DLG1: variants seen among roughly 807,000 people sequenced by gnomAD.
The protein encoded by DLG1 is disks large homolog 1.
Under a neutral mutation model 123.4 loss-of-function variants are expected in DLG1, and 42 were observed. The ratio of observed to expected loss-of-function variants is 0.34; its 90% CI spans 0.27 to 0.44. The LOEUF is 0.44. Ranked by LOEUF, DLG1 falls within the 20% of genes least tolerant of loss-of-function variation. The pLI is 1.00. For synonymous variants in DLG1, 317 were observed against 356.2 expected, an observed-to-expected ratio of 0.89 and a Z score of 1.24; for missense variants, 942 against 1,082.6, an observed-to-expected ratio of 0.87 and a Z score of 1.82.
chr3:197,265,723 C>T (rs1471868757), intron 4 of DLG1, among the ~76,000 whole-genome samples: 2 of 152,138 alleles, frequency 1.3e-5, no homozygotes. Context: ...TGGGGATAGC[C>T]TTCTACAACC....
At chr3:197,196,581 A>T (rs1722631451) in intron 4 of DLG1, among the ~76,000 whole-genome samples, 3 of 152,224 alleles carry the variant, frequency 2.0e-5, no homozygotes, top group Admixed American at 2.0e-4. Context: ...ATACTTTAGA[A>T]GAGATACATG....
chr3:197,122,683 G>T (rs1185046603), intron 11 of DLG1, among the ~76,000 whole-genome samples: 1 of 151,984 alleles, frequency 6.6e-6, no homozygotes, highest in Admixed American at 6.6e-5. Flanking sequence ...ATTTATAATA[G>T]CATGAAAAAC....
chr3:197,054,362 A>AATGT (rs1730151410), intron 23 of DLG1, among the ~76,000 whole-genome samples: 1 of 152,040 alleles, frequency 6.6e-6, no homozygotes, highest in African/African-American at 2.4e-5. Context: ...GGACCTCCAC[A>AATGT]ATGTGTACGT....
chr3:197,050,459 T>C (rs1025335386), intron 24 of DLG1, among the ~76,000 whole-genome samples: 35 of 152,022 alleles, frequency 2.3e-4, no homozygotes, highest in Admixed American at 9.2e-4. Flanking sequence ...TGCATGCATA[T>C]GGTATATATA....
chr3:197,260,452 AT>A (rs2150954917), intron 4 of DLG1: 1 of 208,328 alleles, frequency 4.8e-6, no homozygotes, highest in East Asian at 1.4e-4. Context: ...AGAGGTAGCA[AT>A]TTTTCTACTA....
chr3:197,111,154 A>T (rs1447951687), intron 13 of DLG1, among the ~76,000 whole-genome samples: 1 of 152,230 alleles, frequency 6.6e-6, no homozygotes. Context: ...ATTGCTAAAC[A>T]TAATGCTGTA....
chr3:197,045,534 A>G (rs1450588612), intron 24 of DLG1, among the ~76,000 whole-genome samples: 2 of 151,510 alleles, frequency 1.3e-5, no homozygotes, highest in Non-Finnish European at 2.9e-5. Flanking sequence ...TGAGGCTAGG[A>G]GTTTGAGATC....
Position 197,164,307 on chromosome 3 carries a change from G to T in DLG1, c.484-14511C>A, listed in dbSNP as rs980011968. ...AGCTACTTGGGAGGCTGAGACAGGA[G>T]AATTGCTAGAGCCTGGAAGGTGGAG... On this transcript the variant is annotated intron_variant, in intron 5 of 24. Transcript: ENST00000667157. Among the ~76,000 whole-genome samples, 5 of 152,184 alleles carry T rather than the reference G, an allele frequency of 3.3e-5. No homozygotes were observed. In the East Asian group the frequency reaches 9.7e-4, roughly 29 times the overall value.
chr3:197,048,741 C>T (rs970179498), intron 24 of DLG1, among the ~76,000 whole-genome samples: 2 of 152,074 alleles, frequency 1.3e-5, no homozygotes, highest in Admixed American at 6.6e-5. Context: ...CTGCAACCTC[C>T]GCTTCCCAGG....
At chr3:197,117,612 T>A (rs1257452752) in intron 12 of DLG1, among the ~76,000 whole-genome samples, 2 of 152,148 alleles carry the variant, frequency 1.3e-5, no homozygotes, top group African/African-American at 4.8e-5. Flanking sequence ...TTATAAACTA[T>A]CCAGAATAGG....
intron 8 of DLG1, among the ~76,000 whole-genome samples, chr3:197,139,686 T>C (rs779351475): frequency 3.9e-5 from 6 of 152,200 alleles, no homozygotes; most frequent in Non-Finnish European, 7.3e-5. Flanking sequence ...TCAACATGGA[T>C]GTGTGATCCT....
At chr3:197,091,397 A>G in intron 14 of DLG1, among the ~76,000 whole-genome samples, 1 of 151,976 alleles carries the variant, frequency 6.6e-6, no homozygotes, top group East Asian at 1.9e-4. Flanking sequence ...GAAGAAACCT[A>G]TAATAATAAT....
Position 197,090,981 on chromosome 3 carries a change from A to C in DLG1, c.1592T>G (p.Met531Arg). ...CCCTGAACTAATACTACTATTCATC[A>C]TCTGCTCCCGTAAATCATGTATTTT... ...EAKIHDLREQ[M>R]MNSSISSGSG... The change falls in exon 15 of 25, where the codon ATG becomes AGG. Residue 531 changes from methionine (M) to arginine (R), a missense_variant. Transcript: ENST00000667157. The C allele has an allele frequency of 6.2e-7, 1 of 1,612,498 alleles. No homozygotes were observed. Among genetic ancestry groups the C allele is most frequent in the Non-Finnish European group, 8.5e-7 (1 of 1,178,902 alleles).
rs1721283662 is a variant in DLG1, at chr3:197,043,552, A to AAAAG, written c.*1067_*1070dup. The AAAAG allele has an allele frequency of 6.6e-6, 1 of 151,948 alleles. No individual in the cohort carries two copies. Among genetic ancestry groups the AAAAG allele is most frequent in the African/African-American group, 2.4e-5 (1 of 41,406 alleles). The allele number at this position is 151,948 out of a possible 1,614,324, so 9.4% of individuals were successfully genotyped here. Reference sequence around the variant, plus strand: ...AAACAAAAAGTTAGGAGTAGGTGGCAAAAGAAACAAAATATATTTTAAATA... The same window carrying AAAAG: ...AAACAAAAAGTTAGGAGTAGGTGGCAAAAGAAAGAAACAAAATATATTTTAAATA... On this transcript the variant is annotated 3_prime_UTR_variant, in exon 25 of 25. Coordinates refer to ENST00000667157, the MANE Select transcript of DLG1 (RefSeq NM_001366207.1).
At chr3:197,129,787 G>A (rs181184756) in intron 11 of DLG1, among the ~76,000 whole-genome samples, 19 of 152,244 alleles carry the variant, frequency 1.2e-4, no homozygotes, top group African/African-American at 4.6e-4. Flanking sequence ...GGCCCGAGGA[G>A]AGCGAGGGAG....
At chr3:197,173,983 T>C (rs564483660) in intron 5 of DLG1, among the ~76,000 whole-genome samples, 5 of 152,268 alleles carry the variant, frequency 3.3e-5, no homozygotes, top group African/African-American at 1.2e-4. Context: ...CTTAGGAGGC[T>C]GGGGCATAAG....
rs556040540 is a variant in DLG1 at position 197,212,619 on chromosome 3, G to A, written c.319-18030C>T. 1.1e-4 allele frequency among the ~76,000 whole-genome samples: 16 copies of A among 152,294 alleles called. No individual in the cohort carries two copies. In the South Asian group the frequency reaches 1.2e-3, roughly 12 times the overall value. On this transcript the variant is annotated intron_variant, in intron 4 of 24. Coordinates refer to ENST00000667157, the MANE Select transcript of DLG1 (RefSeq NM_001366207.1). ...TTCATCTTCACATGGCATTCTTGCC[G>A]TGTCATGTCTCTTTGACCAAATTCT...
At chr3:197,151,134 A>C (rs1793648789) in intron 5 of DLG1, among the ~76,000 whole-genome samples, 2 of 152,142 alleles carry the variant, frequency 1.3e-5, no homozygotes, top group African/African-American at 2.4e-5. Context: ...TATTGAGATT[A>C]CTCAAACTGG....
chr3:197,281,493 G>A (rs1226829432), intron 4 of DLG1, among the ~76,000 whole-genome samples: 1 of 152,100 alleles, frequency 6.6e-6, no homozygotes, highest in Non-Finnish European at 1.5e-5. Context: ...GTGACTGACT[G>A]AAGACATTTT....
Sources: allele counts gnomAD v4.1 joint callset (sites outside exome capture counted in the v4.1 genomes callset), GRCh38; gene constraint gnomAD v4.1.1; transcripts MANE v1.5; gene names NCBI Gene and HGNC (gene_info 2026-07-23, HGNC 2026-07-21).